Variants in MEGF9 observed in about 807,000 individuals in gnomAD.
The protein encoded by MEGF9 is multiple EGF like domains 9, also known as multiple epidermal growth factor-like domains protein 9.
A neutral mutation model predicts 46.8 loss-of-function variants in MEGF9; 6 were observed. The ratio of observed to expected loss-of-function variants is 0.13; its 90% CI spans 0.07 to 0.25. MEGF9 has a LOEUF of 0.25. Ranked by LOEUF, MEGF9 falls within the 10% of genes least tolerant of loss-of-function variation. The pLI is 1.00. For synonymous variants in MEGF9, 302 were observed against 330.7 expected (o/e 0.91, Z 0.94); for missense variants, 683 against 792.4 (o/e 0.86, Z 1.66).
At chr9:120,707,025 G>T (rs1285424545) in intron 1 of MEGF9, among the ~76,000 whole-genome samples, 1 of 152,070 alleles carries the variant, frequency 6.6e-6, no homozygotes. Flanking sequence ...CAATAATATG[G>T]ATTCTGGAGC....
intron 2 of MEGF9, among the ~76,000 whole-genome samples, chr9:120,635,517 C>T (rs2043570154): frequency 6.6e-6 from 1 of 152,046 alleles, no homozygotes; most frequent in Non-Finnish European, 1.5e-5. Context: ...ATATTTCTCT[C>T]TCTTTTTTTT....
At chr9:120,631,826 A>G (rs2043551952) in intron 2 of MEGF9, among the ~76,000 whole-genome samples, 1 of 152,168 alleles carries the variant, frequency 6.6e-6, no homozygotes, top group Non-Finnish European at 1.5e-5. Flanking sequence ...AGATATTTTG[A>G]TAGGGATAGC....
chr9:120,680,186 T>C (rs2043791834), intron 1 of MEGF9, among the ~76,000 whole-genome samples: 2 of 152,300 alleles, frequency 1.3e-5, no homozygotes, highest in Middle Eastern at 6.8e-3. Flanking sequence ...ATTTAGTTCA[T>C]CTGATGAGGT....
intron 1 of MEGF9, among the ~76,000 whole-genome samples, chr9:120,698,146 T>A (rs1242842929): frequency 6.6e-6 from 1 of 152,178 alleles, no homozygotes; most frequent in Non-Finnish European, 1.5e-5. Context: ...TGTTAGAAAG[T>A]ATAAGTTATA....
Position 120,711,871 on chromosome 9 carries a change from A to ACACACACACCC in MEGF9, c.601+1886_601+1887insGGGTGTGTGTG, listed in dbSNP as rs145059704. Among the ~76,000 whole-genome samples, 61 of 150,220 alleles carry ACACACACACCC rather than the reference A, an allele frequency of 4.1e-4. 1 individual carries two copies. Among genetic ancestry groups the ACACACACACCC allele is most frequent in the African/African-American group, 1.4e-3 (57 of 40,384 alleles). Reference sequence around the variant, plus strand: ...CACACACACACACACACACACACACACCCACAGGCCTGGTCATAAGCATAG... The same window carrying ACACACACACCC: ...CACACACACACACACACACACACACACACACACACCCCCCACAGGCCTGGTCATAAGCATAG... On this transcript the variant is annotated intron_variant, in intron 1 of 5. Coordinates refer to ENST00000373930, the MANE Select transcript of MEGF9 (RefSeq NM_001080497.3).
intron 2 of MEGF9, among the ~76,000 whole-genome samples, chr9:120,658,233 C>T (rs1219553561): frequency 2.6e-5 from 4 of 152,130 alleles, no homozygotes; most frequent in Non-Finnish European, 4.4e-5. Context: ...GTGATCCACC[C>T]GCCTTGGCCT....
chr9:120,661,755 CG>C (rs1204680218), intron 1 of MEGF9, among the ~76,000 whole-genome samples: 5 of 152,162 alleles, frequency 3.3e-5, no homozygotes, highest in Admixed American at 3.3e-4. Context: ...CTACTTTCTG[CG>C]TATGTGTGTT....
chr9:120,689,217 G>A (rs1262943950), intron 1 of MEGF9, among the ~76,000 whole-genome samples: 2 of 152,310 alleles, frequency 1.3e-5, no homozygotes, highest in Middle Eastern at 3.4e-3. Flanking sequence ...AAGCATGGAC[G>A]TGAAGAATGA....
At chr9:120,606,167 T>C (rs1353037559) in intron 5 of MEGF9, among the ~76,000 whole-genome samples, 4 of 140,210 alleles carry the variant, frequency 2.9e-5, no homozygotes, top group Non-Finnish European at 6.1e-5. Context: ...CGAGACTCTG[T>C]CTCAAAAAAA....
intron 5 of MEGF9, among the ~76,000 whole-genome samples, chr9:120,607,010 T>C (rs2043422793): frequency 6.6e-6 from 1 of 152,186 alleles, no homozygotes; most frequent in South Asian, 2.1e-4. Context: ...TCTTTTTGCC[T>C]TGATCACTAC....
intron 1 of MEGF9, among the ~76,000 whole-genome samples, chr9:120,674,948 G>A (rs557730231): frequency 2.7e-5 from 4 of 150,430 alleles, no homozygotes; most frequent in Admixed American, 6.7e-5. Context: ...GCGCGATCTC[G>A]GCTCACTGCA....
intron 1 of MEGF9, among the ~76,000 whole-genome samples, chr9:120,698,926 CA>C (rs2043890752): frequency 2.0e-5 from 3 of 152,178 alleles, no homozygotes; most frequent in African/African-American, 7.2e-5. Context: ...GGCAGATGGG[CA>C]CCTTGTCTTC....
intron 2 of MEGF9, among the ~76,000 whole-genome samples, chr9:120,642,401 A>G (rs1386043316): frequency 6.6e-6 from 1 of 152,234 alleles, no homozygotes; most frequent in African/African-American, 2.4e-5. Flanking sequence ...TTGGAGCCGG[A>G]CAGATCTGGG....
At chr9:120,670,519 C>T (rs982365668) in intron 1 of MEGF9, among the ~76,000 whole-genome samples, 1 of 152,226 alleles carries the variant, frequency 6.6e-6, no homozygotes, top group African/African-American at 2.4e-5. Flanking sequence ...GTCCCTAGAA[C>T]TGCTTCTAAA....
chr9:120,692,085 C>T (rs532554095), intron 1 of MEGF9, among the ~76,000 whole-genome samples: 1 of 152,266 alleles, frequency 6.6e-6, no homozygotes, highest in East Asian at 1.9e-4. Context: ...ATTAAGGAAT[C>T]TAATACATAA....
At chr9:120,656,863 G>T (rs990111698) in intron 2 of MEGF9, among the ~76,000 whole-genome samples, 7 of 152,042 alleles carry the variant, frequency 4.6e-5, no homozygotes, top group African/African-American at 7.2e-5. Context: ...CAGGAGGATC[G>T]CTTGAGCCCA....
chr9:120,623,691 G>T (rs2043511765), intron 2 of MEGF9, among the ~76,000 whole-genome samples: 1 of 151,958 alleles, frequency 6.6e-6, no homozygotes, highest in South Asian at 2.1e-4. Context: ...ATATCCCAAG[G>T]TACTTAAAGA....
At chr9:120,708,133 G>A (rs1213839838) in intron 1 of MEGF9, among the ~76,000 whole-genome samples, 2 of 151,942 alleles carry the variant, frequency 1.3e-5, no homozygotes, top group Admixed American at 6.6e-5. Context: ...CGAGGTGGGC[G>A]GATTGCCTGA....
intron 1 of MEGF9, among the ~76,000 whole-genome samples, chr9:120,691,015 T>C (rs1395112641): frequency 1.3e-5 from 2 of 152,132 alleles, no homozygotes; most frequent in Non-Finnish European, 2.9e-5. Flanking sequence ...AATATGACCA[T>C]TGATAAGCAT....
Sources: gnomAD v4.1 joint callset for allele counts (sites outside exome capture counted in the v4.1 genomes callset) on GRCh38, gnomAD v4.1.1 for gene constraint, MANE v1.5 for transcripts, NCBI Gene and HGNC (gene_info 2026-07-23, HGNC 2026-07-21) for gene names.